ASCL4: variants seen among roughly 807,000 people sequenced by gnomAD.
ASCL4 encodes the protein achaete-scute family bHLH transcription factor 4.
In ASCL4, 1 loss-of-function variant was observed where a neutral mutation model predicts 0.3. That is an observed-to-expected ratio of 3.35 (90% CI 1.19 to 15.89). The LOEUF (loss-of-function observed/expected upper bound fraction) is 15.89, where lower values mean the gene tolerates loss of function less well. Among genes scored for constraint, ASCL4 ranks in the 30% most tolerant of loss-of-function variants. The pLI, the probability that ASCL4 is intolerant of heterozygous loss-of-function variation, is 0.12. For synonymous variants in ASCL4, 137 were observed against 119.5 expected (o/e 1.15, Z -0.96); for missense variants, 330 against 256.9 (o/e 1.28, Z -1.94).
In ASCL4 at chr12:107,775,394, A is replaced by G. The variant is rs1246986265; in HGVS notation, c.176A>G (p.Gln59Arg). 6.3e-7 allele frequency: 1 copy of G among 1,596,598 alleles called. No homozygotes were observed. Among genetic ancestry groups the G allele is most frequent in the Non-Finnish European group, 8.5e-7 (1 of 1,173,880 alleles). Residue 59 changes from glutamine (Q) to arginine (R), a missense_variant, in exon 1 of 1, where the codon CAG (glutamine) becomes CGG (arginine). By Grantham distance (43) the Gln-to-Arg change is conservative. Coordinates refer to ENST00000342331, the MANE Select transcript of ASCL4 (RefSeq NM_203436.3). ...CGCAGCGGCTGCGCACGGGGATGGC[A>G]GTACTTGCCCGTGCCGCTGGACAGC... ...WARSGCARGW[Q>R]YLPVPLDSAF...
Position 107,775,454 on chromosome 12 carries a change from A to G in ASCL4, c.236A>G (p.Glu79Gly), listed in dbSNP as rs1357208759. ...CCCGCCTTCCTCCGCAAGCGCAACG[A>G]GCGCGAGCGGCAGCGGGTGCGCTGC... is the stretch of plus-strand genomic sequence containing the variant. ...FEPAFLRKRN[E>G]RERQRVRCVN... The change falls in exon 1 of 1, where the codon GAG becomes GGG. Residue 79 changes from glutamate (E) to glycine (G), a missense_variant. Glu to Gly is a moderately conservative substitution (Grantham distance 98). Transcript: ENST00000342331. 1.5e-5 allele frequency: 23 copies of G among 1,565,922 alleles called. No homozygotes were observed. Among genetic ancestry groups the G allele is most frequent in the Non-Finnish European group, 1.8e-5 (21 of 1,163,988 alleles).
chr12:107,775,510 C>G lies in ASCL4; in HGVS notation c.292C>G (p.His98Asp). 6.4e-7 allele frequency: 1 copy of G among 1,572,148 alleles called. No homozygotes were observed. Among genetic ancestry groups the G allele is most frequent in the South Asian group, 1.1e-5 (1 of 87,688 alleles). ...CGAGGGCTATGCGCGCCTCCGAGACCACCTGCCCCGGGAGCTGGCAGACAA... is the reference window on the plus strand; with the variant it reads ...CGAGGGCTATGCGCGCCTCCGAGACGACCTGCCCCGGGAGCTGGCAGACAA... The part of the protein sequence containing the change: ...VNEGYARLRD[H>D]LPRELADKRL... The change falls in exon 1 of 1, where the codon CAC (histidine) becomes GAC (aspartate). Residue 98 changes from histidine to aspartate, a missense_variant. Physicochemically the swap from His to Asp is moderately conservative, Grantham distance 81 (BLOSUM62 -1). Transcript: ENST00000342331.
Position 107,775,725 on chromosome 12 carries a change from G to A in ASCL4, c.507G>A (p.Glu169=). 1.4e-6 allele frequency: 2 copies of A among 1,412,526 alleles called. No homozygotes were observed. Among genetic ancestry groups the A allele is most frequent in the East Asian group, 2.6e-5 (1 of 37,750 alleles). 87.5% of individuals were successfully genotyped at this position (1,412,526 alleles called of 1,614,324 possible). A position where few individuals can be genotyped will look rare whatever the true frequency, so the allele number is the denominator to read the frequency against. ...SAPSPSSEPE[E]GGS ...CTTCGCCCAGCAGCGAGCCCGAGGA[G>A]GGGGGCAGCTAGCGAGCGCCCGAAC... Residue 169 remains glutamate (E), a synonymous_variant, in exon 1 of 1, where the codon GAG becomes GAA. Transcript: ENST00000342331.
rs1278614265 is a variant in ASCL4 at position 107,775,442 on chromosome 12, G to C, written c.224G>C (p.Arg75Pro). ...AGCGCCTTCGAGCCCGCCTTCCTCC[G>C]CAAGCGCAACGAGCGCGAGCGGCAG... The part of the protein sequence containing the change: ...LDSAFEPAFL[R>P]KRNERERQRV... Residue 75 changes from arginine (R) to proline (P), a missense_variant, in exon 1 of 1, where the codon CGC (arginine) becomes CCC (proline). Coordinates refer to ENST00000342331, the MANE Select transcript of ASCL4 (RefSeq NM_203436.3). 6.4e-7 allele frequency: 1 copy of C among 1,568,970 alleles called. No individual in the cohort carries two copies. The highest frequency in any genetic ancestry group is 8.6e-7 in the Non-Finnish European group (1 of 1,164,626).
Position 107,775,044 on chromosome 12 carries a change from C to T in ASCL4, c.-175C>T. Reference sequence around the variant, plus strand: ...AGTGCAATGAACTTCAGGAATCATGCACCGTTTCCCTGAAGCCTGTCCAGG... The same window carrying T: ...AGTGCAATGAACTTCAGGAATCATGTACCGTTTCCCTGAAGCCTGTCCAGG... On this transcript the variant is annotated 5_prime_UTR_variant, in exon 1 of 1. Transcript: ENST00000342331. The T allele has an allele frequency of 1.4e-6, 1 of 726,566 alleles. No individual in the cohort carries two copies. The highest frequency in any genetic ancestry group is 2.2e-6 in the Non-Finnish European group (1 of 448,512). The allele number at this position is 726,566 out of a possible 1,614,324, so 45.0% of individuals were successfully genotyped here.
rs559440274 is a variant in ASCL4 at position 107,776,429 on chromosome 12, C to G, written c.*692C>G. 1 of 167,222 alleles carries G rather than the reference C, an allele frequency of 6.0e-6. No homozygotes were observed. The highest frequency in any genetic ancestry group is 2.4e-5 in the African/African-American group (1 of 41,574). 10.4% of individuals were successfully genotyped at this position (167,222 alleles called of 1,614,324 possible). On this transcript the variant is annotated 3_prime_UTR_variant, in exon 1 of 1. Coordinates refer to ENST00000342331, the MANE Select transcript of ASCL4 (RefSeq NM_203436.3). ...CACGTGGAAGCTTTGTAGCATTGAG[C>G]AGATAGTAAAATATCTTAGAATTAA...
chr12:107,775,703 C>A lies in ASCL4; in HGVS notation c.485C>A (p.Ser162Ter). 5 of 1,457,190 alleles carry A rather than the reference C, an allele frequency of 3.4e-6. No individual in the cohort carries two copies. The South Asian group carries it at 5.8e-5, about 17-fold the overall frequency. 90.3% of individuals were successfully genotyped at this position (1,457,190 alleles called of 1,614,324 possible). A position where few individuals can be genotyped will look rare whatever the true frequency, so the allele number is the denominator to read the frequency against. ...DGESKASSAPSPSSEPEEGGS is the reference protein window; with the variant it reads ...DGESKASSAP ...GAGTCCAAGGCCTCTTCGGCGCCTT[C>A]GCCCAGCAGCGAGCCCGAGGAGGGG... Residue 162 changes from serine (S) to a stop codon, truncating the protein, a stop_gained, in exon 1 of 1, where the codon TCG becomes TAG. Transcript: ENST00000342331. LOFTEE classifies it high-confidence loss of function.
chr12:107,775,240 G>C lies in ASCL4; in HGVS notation c.22G>C (p.Glu8Gln), dbSNP rs376151899. 1.3e-5 allele frequency: 21 copies of C among 1,612,092 alleles called. No homozygotes were observed. The African/African-American group carries it at 2.5e-4, about 20-fold the overall frequency. The change falls in exon 1 of 1, where the codon GAA becomes CAA. Residue 8 changes from glutamate (E) to glutamine (Q), a missense_variant. Physicochemically the swap from Glu to Gln is conservative, Grantham distance 29 (BLOSUM62 2). Coordinates refer to ENST00000342331, the MANE Select transcript of ASCL4 (RefSeq NM_203436.3). ...AATGATGGAGACGCGTAAACCGGCG[G>C]AACGGCTGGCCTTGCCATACTCGCT... is the stretch of plus-strand genomic sequence containing the variant. Reference protein sequence around the residue: METRKPAERLALPYSLRT... With the variant: METRKPAQRLALPYSLRT...
At position 107,775,378 on chromosome 12, in the gene ASCL4, T is replaced by G. The variant is rs751309062; in HGVS notation, c.160T>G (p.Cys54Gly). 6.2e-7 allele frequency: 1 copy of G among 1,602,094 alleles called. No individual in the cohort carries two copies. Residue 54 changes from cysteine to glycine, a missense_variant, in exon 1 of 1, where the codon TGC becomes GGC. Physicochemically the swap from Cys to Gly is radical, Grantham distance 159. Transcript: ENST00000342331. Reference sequence around the variant, plus strand: ...GTGCTGGGAGTGGGCGCGCAGCGGCTGCGCACGGGGATGGCAGTACTTGCC... The same window carrying G: ...GTGCTGGGAGTGGGCGCGCAGCGGCGGCGCACGGGGATGGCAGTACTTGCC... ...AACWEWARSG[C>G]ARGWQYLPVP...
chr12:107,775,598 T>TGCTGGGCC lies in ASCL4; in HGVS notation c.385_386insGCCGCTGG (p.Glu129GlyfsTer80). 1 of 1,577,746 alleles carries TGCTGGGCC rather than the reference T, an allele frequency of 6.3e-7. No individual in the cohort carries two copies. The highest frequency in any genetic ancestry group is 8.5e-7 in the Non-Finnish European group (1 of 1,170,558). On this transcript the variant is annotated frameshift_variant, in exon 1 of 1. Coordinates refer to ENST00000342331, the MANE Select transcript of ASCL4 (RefSeq NM_203436.3). LOFTEE classifies it low-confidence loss of function (END_TRUNC). ...GACTACATCAAGCACCTGCAGGAGC[T>TGCTGGGCC]GCTGGAGCGCCAGGCCTGGGGGCTC...
In ASCL4 at chr12:107,775,773, C is replaced by T. The variant is rs563540157; in HGVS notation, c.*36C>T. ...AACTGGCCAGGACCCCCGCGCCCGC[C>T]GCACAGCGCGCAGCCGGGCGCTCAA... is the stretch of plus-strand genomic sequence containing the variant. On this transcript the variant is annotated 3_prime_UTR_variant, in exon 1 of 1. Coordinates refer to ENST00000342331, the MANE Select transcript of ASCL4 (RefSeq NM_203436.3). 1.9e-4 allele frequency: 262 copies of T among 1,382,080 alleles called. No homozygotes were observed. In the African/African-American group the frequency reaches 3.8e-3, roughly 20 times the overall value. 85.6% of individuals were successfully genotyped at this position (1,382,080 alleles called of 1,614,324 possible).
rs1891448158 is a variant in ASCL4 at position 107,775,577 on chromosome 12, A to G, written c.359A>G (p.Tyr120Cys). The change falls in exon 1 of 1, where the codon TAC becomes TGC. Residue 120 changes from tyrosine to cysteine, a missense_variant. Coordinates refer to ENST00000342331, the MANE Select transcript of ASCL4 (RefSeq NM_203436.3). The part of the protein sequence containing the change: ...KVETLRAAID[Y>C]IKHLQELLER... The stretch of plus-strand genomic sequence containing the variant: ...GAGACGCTCCGCGCTGCCATCGACT[A>G]CATCAAGCACCTGCAGGAGCTGCTG... 1 of 1,580,772 alleles carries G rather than the reference A, an allele frequency of 6.3e-7. No homozygotes were observed. Among genetic ancestry groups the G allele is most frequent in the Admixed American group, 1.7e-5 (1 of 57,402 alleles).
Position 107,775,731 on chromosome 12 carries a change from C to T in ASCL4, c.513C>T (p.Gly171=), listed in dbSNP as rs541142567. The stretch of plus-strand genomic sequence containing the variant: ...CCAGCAGCGAGCCCGAGGAGGGGGG[C>T]AGCTAGCGAGCGCCCGAACTGGCCA... ...PSPSSEPEEG[G]S is the part of the protein sequence containing the mutation. The change falls in exon 1 of 1, where the codon GGC becomes GGT. Residue 171 remains glycine, a synonymous_variant. Transcript: ENST00000342331. The T allele has an allele frequency of 1.7e-5, 24 of 1,438,458 alleles. No individual in the cohort carries two copies. The African/African-American group carries it at 2.5e-4, about 15-fold the overall frequency. 89.1% of individuals were successfully genotyped at this position (1,438,458 alleles called of 1,614,324 possible).
In ASCL4 at chr12:107,775,704, G is replaced by A. The variant is rs558672601; in HGVS notation, c.486G>A (p.Ser162=). 6 of 1,457,526 alleles carry A rather than the reference G, an allele frequency of 4.1e-6. No homozygotes were observed. In the South Asian group the frequency reaches 7.2e-5, roughly 18 times the overall value. The allele number at this position is 1,457,526 out of a possible 1,614,324, so 90.3% of individuals were successfully genotyped here. Residue 162 remains serine, a synonymous_variant, in exon 1 of 1, where the codon TCG becomes TCA. Transcript: ENST00000342331. ...AGTCCAAGGCCTCTTCGGCGCCTTC[G>A]CCCAGCAGCGAGCCCGAGGAGGGGG... is the stretch of plus-strand genomic sequence containing the variant. The part of the protein sequence containing the change: ...DGESKASSAP[S]PSSEPEEGGS
chr12:107,775,623 C>T lies in ASCL4; in HGVS notation c.405C>T (p.Leu135=). The T allele has an allele frequency of 1.9e-6, 3 of 1,563,970 alleles. No homozygotes were observed. Among genetic ancestry groups the T allele is most frequent in the Non-Finnish European group, 2.6e-6 (3 of 1,164,172 alleles). Residue 135 remains leucine, a synonymous_variant, in exon 1 of 1, where the codon CTC becomes CTT. Coordinates refer to ENST00000342331, the MANE Select transcript of ASCL4 (RefSeq NM_203436.3). ...QELLERQAWG[L]EGAAGAVPQR... ...TGCTGGAGCGCCAGGCCTGGGGGCT[C>T]GAGGGCGCGGCCGGCGCCGTCCCCC...
rs1891436701 is a variant in ASCL4 at position 107,775,181 on chromosome 12, T to C, written c.-38T>C. The C allele has an allele frequency of 6.3e-7, 1 of 1,595,908 alleles. No homozygotes were observed. The highest frequency in any genetic ancestry group is 8.6e-7 in the Non-Finnish European group (1 of 1,169,240). Reference sequence around the variant, plus strand: ...TGTTTCGTCTTCTTCTATTGAGAGATTGACCTCTTGAGTGATTTGTGTGCT... The same window carrying C: ...TGTTTCGTCTTCTTCTATTGAGAGACTGACCTCTTGAGTGATTTGTGTGCT... On this transcript the variant is annotated 5_prime_UTR_variant, in exon 1 of 1. Transcript: ENST00000342331.
chr12:107,775,535 A>C lies in ASCL4; in HGVS notation c.317A>C (p.Lys106Thr). 6.4e-7 allele frequency: 1 copy of C among 1,574,026 alleles called. No individual in the cohort carries two copies. The highest frequency in any genetic ancestry group is 8.6e-7 in the Non-Finnish European group (1 of 1,168,502). The change falls in exon 1 of 1, where the codon AAG becomes ACG. Residue 106 changes from lysine to threonine, a missense_variant. Lys to Thr is a moderately conservative substitution (Grantham distance 78, BLOSUM62 -1). Coordinates refer to ENST00000342331, the MANE Select transcript of ASCL4 (RefSeq NM_203436.3). ...CACCTGCCCCGGGAGCTGGCAGACA[A>C]GCGCCTCAGCAAAGTGGAGACGCTC... ...RDHLPRELADKRLSKVETLRA... is the reference protein window; with the variant it reads ...RDHLPRELADTRLSKVETLRA...
In ASCL4 at chr12:107,775,570, A is replaced by G; in HGVS notation, c.352A>G (p.Ile118Val). 1.3e-6 allele frequency: 2 copies of G among 1,580,536 alleles called. No homozygotes were observed. The highest frequency in any genetic ancestry group is 1.7e-6 in the Non-Finnish European group (2 of 1,171,914). Residue 118 changes from isoleucine (I) to valine (V), a missense_variant, in exon 1 of 1, where the codon ATC becomes GTC. Physicochemically the swap from Ile to Val is conservative, Grantham distance 29. Coordinates refer to ENST00000342331, the MANE Select transcript of ASCL4 (RefSeq NM_203436.3). ...LSKVETLRAAIDYIKHLQELL... is the reference protein window; with the variant it reads ...LSKVETLRAAVDYIKHLQELL... ...CAAAGTGGAGACGCTCCGCGCTGCC[A>G]TCGACTACATCAAGCACCTGCAGGA...
In ASCL4 at chr12:107,774,839, G is replaced by T. The variant is rs969755170; in HGVS notation, c.-380G>T. On this transcript the variant is annotated 5_prime_UTR_variant, in exon 1 of 1. Transcript: ENST00000342331. ...GGATTACAGGCATTGAAAAGCTTTTGGTGGCTTTGGAAGATGACTCTGGTG... is the reference window on the plus strand; with the variant it reads ...GGATTACAGGCATTGAAAAGCTTTTTGTGGCTTTGGAAGATGACTCTGGTG... 4.9e-6 allele frequency: 1 copy of T among 204,104 alleles called. No homozygotes were observed. 12.6% of individuals were successfully genotyped at this position (204,104 alleles called of 1,614,324 possible). A position where few individuals can be genotyped will look rare whatever the true frequency, so the allele number is the denominator to read the frequency against.
Sources: allele counts gnomAD v4.1 joint callset, GRCh38; gene constraint gnomAD v4.1.1; transcripts MANE v1.5; gene names NCBI Gene and HGNC (gene_info 2026-07-23, HGNC 2026-07-21).